Variants in PCDH15 observed in about 807,000 individuals in gnomAD.
PCDH15 encodes the protein protocadherin-15.
A neutral mutation model predicts 178.5 loss-of-function variants in PCDH15; 129 were observed. The observed-to-expected ratio is 0.72, with a 90% confidence interval of 0.63 to 0.84. PCDH15 has a LOEUF of 0.84. PCDH15 is among the 40% of genes least tolerant of loss of function. The pLI is 0.00. For synonymous variants in PCDH15, 800 were observed against 732.0 expected, an observed-to-expected ratio of 1.09 and a Z score of -1.50; for missense variants, 2,230 against 2,099.9, an observed-to-expected ratio of 1.06 and a Z score of -1.21.
At chr10:54,009,809 T>C (rs1450656509) in intron 20 of PCDH15, among the ~76,000 whole-genome samples, 5 of 152,108 alleles carry the variant, frequency 3.3e-5, no homozygotes, top group Non-Finnish European at 7.4e-5. Flanking sequence ...ATCTCCCCCA[T>C]GAGCTCCCCA....
intron 8 of PCDH15, among the ~76,000 whole-genome samples, chr10:54,280,488 T>C (rs1179203278): frequency 6.6e-6 from 1 of 151,822 alleles, no homozygotes; most frequent in Non-Finnish European, 1.5e-5. Context: ...GTCTTCTTTC[T>C]TTCATTGCTA....
intron 2 of PCDH15, among the ~76,000 whole-genome samples, chr10:54,989,315 A>G (rs905012681): frequency 1.3e-5 from 2 of 152,164 alleles, no homozygotes; most frequent in Non-Finnish European, 2.9e-5. Flanking sequence ...CACCTTATGG[A>G]GCTGTGAGAA....
intron 7 of PCDH15, among the ~76,000 whole-genome samples, chr10:54,327,029 C>T (rs1210038086): frequency 2.0e-5 from 3 of 151,958 alleles, no homozygotes; most frequent in Admixed American, 6.6e-5. Context: ...ATAACTTTAT[C>T]CCTGAAATGC....
At position 55,589,373 on chromosome 10, in the gene PCDH15, G is replaced by A. The variant is rs112387278; in HGVS notation, c.-156+38252C>T. On this transcript the variant is annotated intron_variant, in intron 2 of 5. Transcript: ENST00000613346. ...CAAAGATCAGTAGTTATAGATATAC[G>A]GCGTTATTTCTGAGGGCTCTGTTCT... Among the ~76,000 whole-genome samples, 1,028 of 152,120 alleles carry A rather than the reference G, an allele frequency of 6.8e-3. 18 individuals carry two copies. The highest frequency in any genetic ancestry group is 0.023 in the African/African-American group (973 of 41,502).
chr10:54,799,231 A>G (rs1291773597), intron 1 of PCDH15, among the ~76,000 whole-genome samples: 1 of 152,142 alleles, frequency 6.6e-6, no homozygotes. Context: ...AGTGGCATAA[A>G]AACAATTTAT....
intron 2 of PCDH15, among the ~76,000 whole-genome samples, chr10:55,330,864 G>GTGTGTGTA (rs887905432): frequency 2.6e-5 from 4 of 151,256 alleles, no homozygotes; most frequent in African/African-American, 4.9e-5. Flanking sequence ...GTGTGTGTGT[G>GTGTGTGTA]TGTGTATGTG....
chr10:54,808,011 G>A (rs537637104), intron 3 of PCDH15, among the ~76,000 whole-genome samples: 7 of 151,346 alleles, frequency 4.6e-5, no homozygotes, highest in South Asian at 2.1e-4. Flanking sequence ...GTTCTTTGGC[G>A]TTCCCAGTTT....
intron 37 of PCDH15, chr10:53,808,925 T>G (rs1395917800): frequency 6.4e-7 from 1 of 1,568,262 alleles, no homozygotes; most frequent in Non-Finnish European, 8.6e-7. Flanking sequence ...GGGTCTGTAC[T>G]TTCTTCCACA....
chr10:55,582,599 T>C (rs1334207150), intron 2 of PCDH15, among the ~76,000 whole-genome samples: 1 of 75,206 alleles, frequency 1.3e-5, no homozygotes, highest in East Asian at 3.0e-4. Flanking sequence ...TGTATGTGTA[T>C]ATATATATAT....
chr10:54,821,823 C>T (rs1324789007), intron 3 of PCDH15, among the ~76,000 whole-genome samples: 1 of 151,944 alleles, frequency 6.6e-6, no homozygotes, highest in Non-Finnish European at 1.5e-5. Context: ...TGTAGGAACT[C>T]TAAGATTTTG....
intron 2 of PCDH15, among the ~76,000 whole-genome samples, chr10:55,060,749 T>C (rs1489515938): frequency 1.3e-5 from 2 of 152,006 alleles, no homozygotes; most frequent in Non-Finnish European, 2.9e-5. Flanking sequence ...CATGGACTAA[T>C]AGTATTTGAT....
intron 25 of PCDH15, among the ~76,000 whole-genome samples, chr10:53,907,970 T>C (rs2082797021): frequency 6.6e-6 from 1 of 152,194 alleles, no homozygotes. Flanking sequence ...TTTTTTCTTT[T>C]TAGGAAGGCC....
intron 2 of PCDH15, among the ~76,000 whole-genome samples, chr10:54,983,889 G>T (rs1839301786): frequency 6.6e-6 from 1 of 152,090 alleles, no homozygotes; most frequent in African/African-American, 2.4e-5. Flanking sequence ...TAAAAACAGA[G>T]ATAACACAAT....
intron 20 of PCDH15, among the ~76,000 whole-genome samples, chr10:54,018,129 G>T (rs748627819): frequency 2.6e-5 from 4 of 152,014 alleles, no homozygotes; most frequent in Non-Finnish European, 5.9e-5. Context: ...TATAATATGA[G>T]AATTGTAGAA....
intron 35 of PCDH15, 139 bp downstream of exon 35, chr10:53,816,089 TTTTTGAAGTTA>T (rs1473789361): frequency 2.6e-6 from 1 of 389,758 alleles, no homozygotes; most frequent in East Asian, 3.7e-5. Context: ...TGGTTTCTTT[TTTTTGAAGTTA>T]TTTTGAAAGA....
intron 2 of PCDH15, among the ~76,000 whole-genome samples, chr10:55,613,389 T>A (rs1248574474): frequency 1.3e-5 from 2 of 152,134 alleles, no homozygotes; most frequent in Non-Finnish European, 2.9e-5. Context: ...AAAAACATAA[T>A]TGGGATATAC....
chr10:54,448,686 G>T (rs930183101), intron 3 of PCDH15, among the ~76,000 whole-genome samples: 3 of 151,604 alleles, frequency 2.0e-5, no homozygotes, highest in Non-Finnish European at 2.9e-5. Context: ...TATTGTCTCT[G>T]CATGCTGACT....
chr10:54,342,840 T>C (rs1942507235), intron 6 of PCDH15, among the ~76,000 whole-genome samples: 1 of 152,168 alleles, frequency 6.6e-6, no homozygotes, highest in Non-Finnish European at 1.5e-5. Flanking sequence ...TTTCGAAGCT[T>C]TAAGATTTAA....
At chr10:53,968,392 G>A (rs962643175) in intron 21 of PCDH15, among the ~76,000 whole-genome samples, 11 of 152,162 alleles carry the variant, frequency 7.2e-5, no homozygotes, top group African/African-American at 1.9e-4. Flanking sequence ...GCTCAAGGAG[G>A]CCTGCCTGCC....
Sources: allele counts gnomAD v4.1 joint callset (sites outside exome capture counted in the v4.1 genomes callset), GRCh38; gene constraint gnomAD v4.1.1; transcripts MANE v1.5; gene names NCBI Gene and HGNC (gene_info 2026-07-23, HGNC 2026-07-21).